The following PDZD2 variants were observed in gnomAD, a reference collection of about 807,000 sequenced individuals.
The protein encoded by PDZD2 is PDZ domain-containing protein 2.
PDZD2 carries 90 observed loss-of-function variants against 220.7 expected under a neutral mutation model. The observed-to-expected ratio is 0.41, with a 90% CI of 0.34 to 0.49. The LOEUF (loss-of-function observed/expected upper bound fraction) is 0.49, where lower values mean the gene tolerates loss of function less well. Among genes scored for constraint, PDZD2 ranks in the 20% least tolerant of loss-of-function variants. The pLI, the probability that PDZD2 is intolerant of heterozygous loss-of-function variation, is 0.28. For synonymous variants in PDZD2, 1,375 were observed against 1,450.5 expected, an observed-to-expected ratio of 0.95 and a Z score of 1.18; for missense variants, 3,174 against 3,608.5, an observed-to-expected ratio of 0.88 and a Z score of 3.08.
At chr5:31,762,107 G>A (rs961373294) in intron 1 of PDZD2, among the ~76,000 whole-genome samples, 9 of 152,152 alleles carry the variant, frequency 5.9e-5, no homozygotes, top group African/African-American at 9.7e-5. Flanking sequence ...CCATTCATGC[G>A]AACTCCACCC....
chr5:32,023,734 A>G (rs62360025), intron 6 of PDZD2, among the ~76,000 whole-genome samples: 21,248 of 152,238 alleles, frequency 0.14, 1,992 homozygotes, highest in Non-Finnish European at 0.21. Context: ...CTGGGTACAG[A>G]TGGCAGTGGG....
At chr5:31,974,361 GA>G (rs35000512) in intron 2 of PDZD2, among the ~76,000 whole-genome samples, 47,163 of 150,372 alleles carry the variant, frequency 0.31, 7,834 homozygotes, top group Non-Finnish European at 0.37. Flanking sequence ...AAAGAAAAAA[GA>G]AAAAAAAAAT....
At chr5:31,850,761 C>A (rs758072680) in intron 2 of PDZD2, among the ~76,000 whole-genome samples, 2 of 151,744 alleles carry the variant, frequency 1.3e-5, no homozygotes, top group Admixed American at 1.3e-4. Context: ...CTCAGCCTCC[C>A]GAGTAGCTGG....
intron 1 of PDZD2, among the ~76,000 whole-genome samples, chr5:31,722,280 A>G (rs368293150): frequency 6.6e-6 from 1 of 151,862 alleles, no homozygotes; most frequent in African/African-American, 2.4e-5. Flanking sequence ...CCTCCCTCTC[A>G]CCTTGGCTGG....
chr5:31,770,086 C>G (rs1416938210), intron 1 of PDZD2, among the ~76,000 whole-genome samples: 6 of 152,166 alleles, frequency 3.9e-5, no homozygotes, highest in Admixed American at 3.9e-4. Flanking sequence ...GAAGAAAAAG[C>G]TTTGTGAGTT....
chr5:31,903,941 C>G (rs1392466994), intron 2 of PDZD2, among the ~76,000 whole-genome samples: 1 of 151,652 alleles, frequency 6.6e-6, no homozygotes, highest in Non-Finnish European at 1.5e-5. Flanking sequence ...TCAGGCTGGT[C>G]TCTAACTCCT....
In PDZD2 at chr5:32,071,317, G is replaced by T. The variant is rs1445416386; in HGVS notation, c.2534-67G>T. On this transcript the variant is annotated intron_variant, in intron 15 of 24. Transcript: ENST00000438447. The stretch of plus-strand genomic sequence containing the variant: ...GTTTGCCGCCTCCTTTTCTAGTTAA[G>T]GATGTGAGCCTATTTGTGACTTGAG... 5 of 1,112,580 alleles carry T rather than the reference G, an allele frequency of 4.5e-6. No homozygotes were observed. In the East Asian group the frequency reaches 9.4e-5, roughly 21 times the overall value. The allele number at this position is 1,112,580 out of a possible 1,614,324, so 68.9% of individuals were successfully genotyped here. A position where few individuals can be genotyped will look rare whatever the true frequency, so the allele number is the denominator to read the frequency against.
At chr5:31,881,326 A>ATG (rs67969355) in intron 2 of PDZD2, among the ~76,000 whole-genome samples, 16,825 of 122,872 alleles carry the variant, frequency 0.14, 1,267 homozygotes, top group Non-Finnish European at 0.19. Context: ...TTCCATATAT[A>ATG]TGTGTGTGTG....
chr5:31,778,003 C>T lies in PDZD2; in HGVS notation c.-360-20886C>T, dbSNP rs181741466. Among the ~76,000 whole-genome samples the T allele has an allele frequency of 3.1e-3, 467 of 152,032 alleles. 2 individuals carry two copies. The highest frequency in any genetic ancestry group is 0.011 in the African/African-American group (455 of 41,464). On this transcript the variant is annotated intron_variant, in intron 1 of 24. Coordinates refer to ENST00000438447, the MANE Select transcript of PDZD2 (RefSeq NM_178140.4). ...GTAGGATTATAAATGTACCAGTGAGCACTCTGTGTCTAGCTCGGGGATTGT... is the reference window on the plus strand; with the variant it reads ...GTAGGATTATAAATGTACCAGTGAGTACTCTGTGTCTAGCTCGGGGATTGT...
At chr5:31,974,688 C>G (rs1050733098) in intron 2 of PDZD2, among the ~76,000 whole-genome samples, 3 of 152,092 alleles carry the variant, frequency 2.0e-5, no homozygotes, top group African/African-American at 7.2e-5. Flanking sequence ...CTTCCTAAGC[C>G]CCAGTTCCTT....
At chr5:31,673,966 G>T (rs73072135) in intron 1 of PDZD2, among the ~76,000 whole-genome samples, 9,322 of 152,094 alleles carry the variant, frequency 0.061, 342 homozygotes, top group Middle Eastern at 0.085. Context: ...GCAAGACTCC[G>T]TATCAAAAAA....
rs531627891 is a variant in PDZD2, at chr5:32,080,717, C to T, written c.3682+3111C>T. Among the ~76,000 whole-genome samples, 512 of 152,212 alleles carry T rather than the reference C, an allele frequency of 3.4e-3. 3 individuals carry two copies. Among genetic ancestry groups the T allele is most frequent in the Admixed American group, 5.6e-3 (86 of 15,300 alleles). ...AGTGTTAGAAAATGTAGTACATATA[C>T]ACTATGGAATACTATGCAGCCATAA... On this transcript the variant is annotated intron_variant, in intron 19 of 24. Coordinates refer to ENST00000438447, the MANE Select transcript of PDZD2 (RefSeq NM_178140.4).
chr5:31,740,896 T>G (rs1420451608), intron 1 of PDZD2, among the ~76,000 whole-genome samples: 1 of 152,226 alleles, frequency 6.6e-6, no homozygotes, highest in East Asian at 1.9e-4. Flanking sequence ...ATCAATGATT[T>G]CACCATTCTT....
intron 20 of PDZD2, among the ~76,000 whole-genome samples, chr5:32,091,534 C>T (rs937843052): frequency 5.9e-5 from 9 of 152,052 alleles, no homozygotes; most frequent in East Asian, 1.9e-4. Flanking sequence ...CCGCCTGCCT[C>T]GGCCTCCCAA....
At chr5:31,923,675 G>C in intron 2 of PDZD2, 1 of 648,954 alleles carries the variant, frequency 1.5e-6, no homozygotes, top group Non-Finnish European at 2.9e-6. Flanking sequence ...CTGTAGCAGA[G>C]TGGAACTTGT....
intron 1 of PDZD2, among the ~76,000 whole-genome samples, chr5:31,745,265 A>G (rs1750526860): frequency 1.3e-5 from 2 of 152,322 alleles, no homozygotes; most frequent in South Asian, 4.2e-4. Context: ...CCAAAGGGGT[A>G]TAAAGACCAA....
chr5:31,968,711 TCATC>T (rs1033400894), intron 2 of PDZD2, among the ~76,000 whole-genome samples: 1 of 152,036 alleles, frequency 6.6e-6, no homozygotes, highest in African/African-American at 2.4e-5. Flanking sequence ...CTCCTTTACT[TCATC>T]CACCATATGA....
chr5:31,857,917 C>T (rs939417648), intron 2 of PDZD2, among the ~76,000 whole-genome samples: 12 of 152,134 alleles, frequency 7.9e-5, no homozygotes, highest in African/African-American at 2.7e-4. Flanking sequence ...ACCCCTGTCT[C>T]CCGGGTTCAA....
chr5:31,923,717 T>A lies in PDZD2; in HGVS notation c.477-59438T>A, dbSNP rs112644659. ...TTATGATAGAATGTATCAGAATAAA[T>A]GTTTTTAACAATGTTAAAAAAATAA... On this transcript the variant is annotated intron_variant, in intron 2 of 24. Transcript: ENST00000438447. Among the ~76,000 whole-genome samples, 1,428 of 152,298 alleles carry A rather than the reference T, an allele frequency of 9.4e-3. 22 individuals carry two copies. The highest frequency in any genetic ancestry group is 0.032 in the African/African-American group (1,309 of 41,554).
Sources: allele counts gnomAD v4.1 joint callset (sites outside exome capture counted in the v4.1 genomes callset), GRCh38; gene constraint gnomAD v4.1.1; transcripts MANE v1.5; gene names NCBI Gene and HGNC (gene_info 2026-07-23, HGNC 2026-07-21).